ROBO2: variants seen among roughly 807,000 people sequenced by gnomAD.
ROBO2 encodes the protein roundabout guidance receptor 2, also known as roundabout homolog 2.
Under a neutral mutation model 160.8 loss-of-function variants are expected in ROBO2, and 53 were observed. That is an observed-to-expected ratio of 0.33 (90% confidence interval 0.26 to 0.41). ROBO2 has a LOEUF of 0.41. Ranked by LOEUF, ROBO2 falls within the 10% of genes least tolerant of loss-of-function variation. The pLI is 1.00. For missense variants in ROBO2, 1,577 were observed against 1,722.4 expected (o/e 0.92, Z 1.49); for synonymous variants, 664 against 611.7 (o/e 1.09, Z -1.26).
chr3:75,957,375 T>A (rs1427571096), intron 2 of ROBO2, among the ~76,000 whole-genome samples: 3 of 151,734 alleles, frequency 2.0e-5, no homozygotes, highest in African/African-American at 7.3e-5. Flanking sequence ...AGGCCTAAAA[T>A]ATAACTCATT....
chr3:76,184,955 G>T (rs1447895741), intron 2 of ROBO2, among the ~76,000 whole-genome samples: 1 of 151,570 alleles, frequency 6.6e-6, no homozygotes, highest in Non-Finnish European at 1.5e-5. Flanking sequence ...ATCGATGGTG[G>T]CTCTTCTCTA....
intron 2 of ROBO2, among the ~76,000 whole-genome samples, chr3:77,347,610 A>C (rs1486254422): frequency 6.6e-6 from 1 of 152,066 alleles, no homozygotes; most frequent in Non-Finnish European, 1.5e-5. Context: ...CAAATATTCT[A>C]TGCAAACTGC....
rs550575402 is a variant in ROBO2 at position 77,465,872 on chromosome 3, G to C, written c.389-11542G>C. Among the ~76,000 whole-genome samples the C allele has an allele frequency of 4.7e-4, 72 of 152,230 alleles. 1 individual carries two copies. Among genetic ancestry groups the C allele is most frequent in the Admixed American group, 8.5e-4 (13 of 15,292 alleles). ...TTGTTCTCCAATCACTGTCAATGGT[G>C]TAATATGAGTTTTCTGAGATAATTT... On this transcript the variant is annotated intron_variant, in intron 2 of 25. Coordinates refer to ENST00000461745, the Ensembl canonical transcript of ROBO2.
At chr3:77,460,341 A>C (rs1582135046) in intron 2 of ROBO2, among the ~76,000 whole-genome samples, 3 of 152,250 alleles carry the variant, frequency 2.0e-5, no homozygotes, top group African/African-American at 7.2e-5. Context: ...CATGAATTCC[A>C]TTTTGGTAAT....
chr3:76,319,546 G>C (rs1018866656), intron 2 of ROBO2, among the ~76,000 whole-genome samples: 1 of 151,782 alleles, frequency 6.6e-6, no homozygotes, highest in African/African-American at 2.4e-5. Context: ...AGTTGCACTT[G>C]GTTCTATTTT....
chr3:76,739,849 CCTAATT>C (rs938085824), intron 2 of ROBO2, among the ~76,000 whole-genome samples: 4 of 152,114 alleles, frequency 2.6e-5, no homozygotes, highest in African/African-American at 9.7e-5. Context: ...AAAGCATCCT[CCTAATT>C]CTAAGTTTTA....
At chr3:77,273,877 C>G (rs1192105222) in intron 2 of ROBO2, among the ~76,000 whole-genome samples, 9 of 152,092 alleles carry the variant, frequency 5.9e-5, no homozygotes, top group Non-Finnish European at 4.4e-5. Flanking sequence ...CAAGACTCAT[C>G]CAATCTTTTC....
At chr3:76,450,269 G>A (rs919792819) in intron 2 of ROBO2, among the ~76,000 whole-genome samples, 5 of 152,116 alleles carry the variant, frequency 3.3e-5, no homozygotes, top group Admixed American at 2.0e-4. Flanking sequence ...TTAAAAGAGT[G>A]ACAAATTTCA....
intron 2 of ROBO2, among the ~76,000 whole-genome samples, chr3:76,198,164 T>C (rs995798856): frequency 2.6e-5 from 4 of 151,928 alleles, no homozygotes; most frequent in African/African-American, 9.7e-5. Flanking sequence ...CCTCAGGACA[T>C]GGTGGGAAGG....
intron 2 of ROBO2, among the ~76,000 whole-genome samples, chr3:76,422,298 A>G (rs2076029707): frequency 6.6e-6 from 1 of 152,152 alleles, no homozygotes; most frequent in Admixed American, 6.6e-5. Context: ...TTTCTTATCA[A>G]GAGGTTGTAT....
intron 2 of ROBO2, among the ~76,000 whole-genome samples, chr3:75,966,100 G>T (rs1269754282): frequency 6.6e-6 from 1 of 151,674 alleles, no homozygotes; most frequent in Non-Finnish European, 1.5e-5. Flanking sequence ...ATACAAATAA[G>T]TCTTTATTAA....
intron 2 of ROBO2, among the ~76,000 whole-genome samples, chr3:76,521,968 A>G (rs2081644552): frequency 6.6e-6 from 1 of 152,160 alleles, no homozygotes. Flanking sequence ...TAGCTGTTTG[A>G]GTGATCAAAT....
chr3:77,028,172 T>C (rs1233163612), intron 2 of ROBO2, among the ~76,000 whole-genome samples: 2 of 152,116 alleles, frequency 1.3e-5, no homozygotes, highest in South Asian at 2.1e-4. Context: ...AACGTTTTTC[T>C]CAAGTTAAAA....
intron 2 of ROBO2, among the ~76,000 whole-genome samples, chr3:76,595,079 T>C (rs1212194211): frequency 4.6e-5 from 7 of 151,880 alleles, no homozygotes; most frequent in Non-Finnish European, 1.0e-4. Context: ...AAACAGCCCT[T>C]TTGCAAACCA....
intron 2 of ROBO2, among the ~76,000 whole-genome samples, chr3:77,367,838 G>A (rs1483680790): frequency 6.6e-6 from 1 of 151,986 alleles, no homozygotes; most frequent in African/African-American, 2.4e-5. Flanking sequence ...CATCAGTTGT[G>A]GTTCTTTATG....
intron 2 of ROBO2, among the ~76,000 whole-genome samples, chr3:75,991,328 T>C (rs2065562398): frequency 2.0e-5 from 3 of 152,158 alleles, no homozygotes. Flanking sequence ...AATTCTTATG[T>C]GTTGTGGGAG....
chr3:76,739,739 C>T (rs1186633938), intron 2 of ROBO2, among the ~76,000 whole-genome samples: 2 of 152,120 alleles, frequency 1.3e-5, no homozygotes, highest in Non-Finnish European at 2.9e-5. Context: ...TAGAGTTTGA[C>T]TTTCATGACT....
chr3:76,410,303 C>T (rs977019777), intron 2 of ROBO2, among the ~76,000 whole-genome samples: 6 of 152,022 alleles, frequency 3.9e-5, no homozygotes, highest in African/African-American at 1.4e-4. Context: ...ACATGGAACA[C>T]AGCACACAGC....
intron 2 of ROBO2, among the ~76,000 whole-genome samples, chr3:77,254,213 A>C (rs28684806): frequency 0.12 from 17,523 of 152,172 alleles, 2,950 homozygotes; most frequent in African/African-American, 0.37. Context: ...GGCTGCAGTG[A>C]ACTGTGATTG....
Sources: allele counts gnomAD v4.1 joint callset (sites outside exome capture counted in the v4.1 genomes callset), GRCh38; gene constraint gnomAD v4.1.1; transcripts MANE v1.5; gene names NCBI Gene and HGNC (gene_info 2026-07-23, HGNC 2026-07-21).